The following NEDD9 variants were observed in gnomAD, a reference collection of about 807,000 sequenced individuals.
NEDD9 encodes the protein enhancer of filamentation 1.
Under a neutral mutation model 76.6 loss-of-function variants are expected in NEDD9, and 26 were observed. The ratio of observed to expected loss-of-function variants is 0.34; its 90% CI spans 0.25 to 0.47. The LOEUF (loss-of-function observed/expected upper bound fraction) is 0.47, where lower values mean the gene tolerates loss of function less well. NEDD9 is among the 20% of genes least tolerant of loss of function. The pLI, the probability that NEDD9 is intolerant of heterozygous loss-of-function variation, is 1.00. For missense variants in NEDD9, 937 were observed against 1,058.5 expected (o/e 0.89, Z 1.59); for synonymous variants, 392 against 414.2 (o/e 0.95, Z 0.65).
At chr6:11,357,336 G>T (rs1762596995) in intron 1 of NEDD9, among the ~76,000 whole-genome samples, 1 of 152,140 alleles carries the variant, frequency 6.6e-6, no homozygotes, top group Admixed American at 6.5e-5. Context: ...CTCCGTTGGT[G>T]CTGCCACAGC....
At chr6:11,334,033 C>T (rs1762100333) in intron 2 of NEDD9, among the ~76,000 whole-genome samples, 1 of 152,180 alleles carries the variant, frequency 6.6e-6, no homozygotes, top group Non-Finnish European at 1.5e-5. Context: ...TAATTAATCA[C>T]CTCCTACTGC....
Position 11,241,283 on chromosome 6 carries a change from A to G in NEDD9, c.13-27556T>C, listed in dbSNP as rs960513638. Among the ~76,000 whole-genome samples, 1 of 152,116 alleles carries G rather than the reference A, an allele frequency of 6.6e-6. No homozygotes were observed. The highest frequency in any genetic ancestry group is 1.5e-5 in the Non-Finnish European group (1 of 68,006). ...TCTTGCTAACCTTTGTGCTTCCTCT[A>G]TATGTTCTTACATTTGAAAAGTCTT... On this transcript the variant is annotated intron_variant, in intron 3 of 3. Transcript: ENST00000397378. The surrounding 1 kb of genome is among the most constrained non-coding windows in gnomAD (Gnocchi z 4.0).
chr6:11,238,413 A>T (rs183650338), intron 3 of NEDD9, among the ~76,000 whole-genome samples: 1 of 152,266 alleles, frequency 6.6e-6, no homozygotes, highest in East Asian at 1.9e-4. Flanking sequence ...ATCTGAGCAC[A>T]TGTTTGTCCG....
intron 3 of NEDD9, among the ~76,000 whole-genome samples, chr6:11,240,042 CAAA>C (rs144360623): frequency 0.051 from 4,707 of 91,824 alleles, 202 homozygotes; most frequent in African/African-American, 0.17. Context: ...GACTTCATCT[CAAA>C]AAAAAAAAAA....
chr6:11,289,843 T>G (rs1008283968), intron 3 of NEDD9, among the ~76,000 whole-genome samples: 32 of 152,154 alleles, frequency 2.1e-4, no homozygotes, highest in African/African-American at 7.5e-4. Context: ...CTCAGACTGT[T>G]AAATAATTTC....
chr6:11,297,424 T>C (rs916392301), intron 3 of NEDD9, among the ~76,000 whole-genome samples: 5 of 152,152 alleles, frequency 3.3e-5, no homozygotes, highest in African/African-American at 1.2e-4. Context: ...TTAAGAGTAT[T>C]TATGAGTTTA....
At chr6:11,371,475 G>A (rs911262293) in intron 1 of NEDD9, among the ~76,000 whole-genome samples, 1 of 152,018 alleles carries the variant, frequency 6.6e-6, no homozygotes, top group African/African-American at 2.4e-5. Context: ...CTTTTTACTG[G>A]TACCCTAGTT....
intron 3 of NEDD9, among the ~76,000 whole-genome samples, chr6:11,286,560 A>G (rs1760653465): frequency 6.6e-6 from 1 of 152,240 alleles, no homozygotes; most frequent in Non-Finnish European, 1.5e-5. Context: ...CCAACTGGGA[A>G]CAAACCAAAT....
At chr6:11,254,051 A>G (rs1561807173) in intron 3 of NEDD9, among the ~76,000 whole-genome samples, 1 of 152,262 alleles carries the variant, frequency 6.6e-6, no homozygotes. Context: ...ACTTTTTAGT[A>G]GAAGTACATG....
In NEDD9 at chr6:11,193,710, C is replaced by A; in HGVS notation, c.460-18G>T. The A allele has an allele frequency of 6.3e-7, 1 of 1,591,842 alleles. No homozygotes were observed. Among genetic ancestry groups the A allele is most frequent in the Non-Finnish European group, 8.6e-7 (1 of 1,160,570 alleles). On this transcript the variant is annotated intron_variant, in intron 2 of 6. Coordinates refer to ENST00000379446, the MANE Select transcript of NEDD9 (RefSeq NM_006403.4). ...GTTATCACCTGTGGGAGAGAAGGCA[C>A]AGAGGTGTAAATTTCCAAGCCTGAG...
chr6:11,349,747 C>T (rs904758918), intron 1 of NEDD9, among the ~76,000 whole-genome samples: 1 of 152,056 alleles, frequency 6.6e-6, no homozygotes, highest in African/African-American at 2.4e-5. Context: ...TGTGGGGAAA[C>T]AACACACACT....
chr6:11,362,005 G>A (rs1465469462), intron 1 of NEDD9, among the ~76,000 whole-genome samples: 1 of 152,212 alleles, frequency 6.6e-6, no homozygotes, highest in Non-Finnish European at 1.5e-5. Context: ...GAATTGTGCT[G>A]TGCTGCTTGC....
At chr6:11,374,798 A>G (rs1357856239) in intron 1 of NEDD9, among the ~76,000 whole-genome samples, 1 of 152,256 alleles carries the variant, frequency 6.6e-6, no homozygotes, top group Non-Finnish European at 1.5e-5. Context: ...CTTTTCCCCA[A>G]GGGCTTATCT....
At chr6:11,326,146 C>CAA (rs113503681) in intron 2 of NEDD9, among the ~76,000 whole-genome samples, 6 of 89,894 alleles carry the variant, frequency 6.7e-5, no homozygotes, top group East Asian at 3.3e-4. Flanking sequence ...AACCTCATCT[C>CAA]AAAAAAAAAA....
chr6:11,237,509 G>A (rs1181494658), upstream of NEDD9, among the ~76,000 whole-genome samples: 1 of 152,102 alleles, frequency 6.6e-6, no homozygotes. This position sits in a 1 kb window ranked among gnomAD's most constrained non-coding sequence, Gnocchi z 4.9. Context: ...CCAACTCAAG[G>A]CCTGTTGCTA....
intron 3 of NEDD9, among the ~76,000 whole-genome samples, chr6:11,249,982 C>T (rs1448900298): frequency 1.3e-5 from 2 of 152,232 alleles, no homozygotes; most frequent in African/African-American, 2.4e-5. Context: ...TTTCTCCAGC[C>T]CACAGCAGTG....
chr6:11,250,976 C>A (rs904309157), intron 3 of NEDD9, among the ~76,000 whole-genome samples: 1 of 152,154 alleles, frequency 6.6e-6, no homozygotes, highest in African/African-American at 2.4e-5. Flanking sequence ...GGATTTTCCA[C>A]CTTTGAAAAT....
At chr6:11,356,791 T>A (rs1762585227) in intron 1 of NEDD9, among the ~76,000 whole-genome samples, 1 of 141,448 alleles carries the variant, frequency 7.1e-6, no homozygotes, top group Non-Finnish European at 1.5e-5. Context: ...AATAAATGTG[T>A]GGATAAATGT....
At chr6:11,197,802 T>C (rs373951361) in intron 2 of NEDD9, among the ~76,000 whole-genome samples, 9 of 152,206 alleles carry the variant, frequency 5.9e-5, no homozygotes, top group African/African-American at 2.2e-4. Context: ...TTTCTGGAGA[T>C]GCTTTTGACA....
Sources: gnomAD v4.1 joint callset for allele counts (sites outside exome capture counted in the v4.1 genomes callset) on GRCh38, gnomAD v4.1.1 for gene constraint, Gnocchi (gnomAD v3.1) non-coding constraint, MANE v1.5 for transcripts, NCBI Gene and HGNC (gene_info 2026-07-23, HGNC 2026-07-21) for gene names.